Variants in HPD observed in about 807,000 individuals in gnomAD.
The protein encoded by HPD is 4-hydroxyphenylpyruvate dioxygenase.
Under a neutral mutation model 56.9 loss-of-function variants are expected in HPD, and 35 were observed. The observed-to-expected ratio is 0.62, with a 90% CI of 0.47 to 0.82. The LOEUF is 0.82. Among genes scored for constraint, HPD ranks in the 40% least tolerant of loss-of-function variants. HPD has a pLI of 0.00. For missense variants in HPD, 442 were observed against 506.8 expected (o/e 0.87, Z 1.23); for synonymous variants, 186 against 200.2 (o/e 0.93, Z 0.60).
chr12:121,866,928 C>G (rs1182827821), upstream of HPD, among the ~76,000 whole-genome samples: 1 of 152,098 alleles, frequency 6.6e-6, no homozygotes, highest in Non-Finnish European at 1.5e-5. Flanking sequence ...TGTCCTCAAT[C>G]CACCCTCATC....
At chr12:121,841,418 T>C (rs1419017094) in intron 12 of HPD, among the ~76,000 whole-genome samples, 1 of 152,160 alleles carries the variant, frequency 6.6e-6, no homozygotes, top group Non-Finnish European at 1.5e-5. Flanking sequence ...TAGCTACTCC[T>C]AGATATATTC....
Position 121,843,810 on chromosome 12 carries a change from C to A in HPD, c.854G>T (p.Gly285Val). 6.2e-7 allele frequency: 1 copy of A among 1,613,768 alleles called. No homozygotes were observed. The highest frequency in any genetic ancestry group is 8.5e-7 in the Non-Finnish European group (1 of 1,179,838). The change falls in exon 12 of 14, where the codon GGC (glycine) becomes GTC (valine). Residue 285 changes from glycine to valine, a missense_variant. Physicochemically the swap from Gly to Val is moderately radical, Grantham distance 109. Coordinates refer to ENST00000289004, the MANE Select transcript of HPD (RefSeq NM_002150.3). ...ITAIRHLRER[G>V]LEFLSVPSTY... is the part of the protein sequence containing the mutation. ...GGAGGGAACAGATAAGAACTCCAGG[C>A]CTCTCTCTCTCAAGTGGCGAATCTG...
At chr12:121,867,724 G>T (rs1038675110), upstream of HPD, among the ~76,000 whole-genome samples, 1 of 152,026 alleles carries the variant, frequency 6.6e-6, no homozygotes, top group Admixed American at 6.6e-5. Flanking sequence ...ATGTTGGCTC[G>T]GCTGGTCTCT....
At chr12:121,875,436 T>G in the HPD span, among the ~76,000 whole-genome samples, 1 of 150,812 alleles carries the variant, frequency 6.6e-6, no homozygotes, top group Non-Finnish European at 1.5e-5. Context: ...TCTTTTTTTT[T>G]TTTTTTTGAG....
upstream of HPD, among the ~76,000 whole-genome samples, chr12:121,868,115 G>A (rs891505021): frequency 1.3e-5 from 2 of 152,154 alleles, no homozygotes; most frequent in African/African-American, 4.8e-5. Context: ...CTTGAGCCCA[G>A]GAGGTCAAGG....
At chr12:121,883,152 T>C in the HPD span, among the ~76,000 whole-genome samples, 1 of 146,838 alleles carries the variant, frequency 6.8e-6, no homozygotes, top group African/African-American at 2.5e-5. Flanking sequence ...CAGAAACTGT[T>C]AGAAGTTCAG....
chr12:121,859,110 G>A (rs1878109442), upstream of HPD: 1 of 514,498 alleles, frequency 1.9e-6, no homozygotes, highest in African/African-American at 1.9e-5. Context: ...CAGGACGCTG[G>A]GAATGTGACC....
At chr12:121,856,127 G>A (rs1248125640) in intron 6 of HPD, 197 bp downstream of exon 6, 1 of 660,926 alleles carries the variant, frequency 1.5e-6, no homozygotes, top group Non-Finnish European at 2.8e-6. Flanking sequence ...CCAGGTGTGT[G>A]TCACACCAGC....
rs531034878 is a variant in HPD, at chr12:121,855,007, A to G, written c.325-215T>C. ...GAGGCCCAGGCCCAGAGTTGGGGCT[A>G]TGGGAGACAAACTAGGTAGGGATGG... On this transcript the variant is annotated intron_variant, in intron 6 of 13. Transcript: ENST00000289004. Among the ~76,000 whole-genome samples the G allele has an allele frequency of 5.9e-5, 9 of 152,276 alleles. No individual in the cohort carries two copies. The East Asian group carries it at 1.7e-3, about 29-fold the overall frequency.
intron 7 of HPD, among the ~76,000 whole-genome samples, chr12:121,853,556 C>T (rs1306910123): frequency 3.3e-5 from 5 of 149,256 alleles, no homozygotes; most frequent in South Asian, 2.1e-4. Flanking sequence ...CGGAAGGCAG[C>T]GCTTGCAGTG....
At chr12:121,881,443 T>C in the HPD span, among the ~76,000 whole-genome samples, 3 of 152,090 alleles carry the variant, frequency 2.0e-5, no homozygotes, top group Non-Finnish European at 2.9e-5. Flanking sequence ...CTGCCAGACG[T>C]TGTTTTAGCA....
chr12:121,887,905 C>G, the HPD span, among the ~76,000 whole-genome samples: 4 of 152,110 alleles, frequency 2.6e-5, no homozygotes, highest in African/African-American at 9.7e-5. Context: ...GACCGCTGAG[C>G]CCTTTTCAAG....
intron 9 of HPD, among the ~76,000 whole-genome samples, chr12:121,847,640 C>T (rs1367701797): frequency 3.3e-5 from 5 of 152,168 alleles, no homozygotes; most frequent in Admixed American, 1.3e-4. Context: ...TGGGTCCAGG[C>T]GATTCTCCTG....
At chr12:121,842,585 A>G (rs937182408) in intron 12 of HPD, among the ~76,000 whole-genome samples, 1 of 149,550 alleles carries the variant, frequency 6.7e-6, no homozygotes, top group Non-Finnish European at 1.5e-5. Flanking sequence ...ATCACCACGC[A>G]CAGCTAATTT....
chr12:121,865,254 C>T (rs1878293296), upstream of HPD, among the ~76,000 whole-genome samples: 3 of 120,742 alleles, frequency 2.5e-5, no homozygotes, highest in South Asian at 8.6e-4. Flanking sequence ...GGCGACACAG[C>T]GACACTCTCT....
intron 2 of HPD, among the ~76,000 whole-genome samples, 156 bp downstream of exon 2, chr12:121,858,531 G>A (rs75899107): frequency 3.1e-3 from 470 of 152,142 alleles, no homozygotes; most frequent in African/African-American, 0.011. Context: ...GCTCAGTCTC[G>A]GGGAGCCCCG....
At chr12:121,880,046 C>T in the HPD span, among the ~76,000 whole-genome samples, 2 of 151,094 alleles carry the variant, frequency 1.3e-5, no homozygotes, top group East Asian at 3.9e-4. Flanking sequence ...ATTGGGGAGG[C>T]TGAGGTGGGG....
At chr12:121,848,069 G>C (rs1877645466) in intron 9 of HPD, among the ~76,000 whole-genome samples, 1 of 152,152 alleles carries the variant, frequency 6.6e-6, no homozygotes, top group Non-Finnish European at 1.5e-5. Flanking sequence ...AGTGCTTTGA[G>C]AAAAAGGCCC....
chr12:121,883,682 CTTT>C, the HPD span, among the ~76,000 whole-genome samples: 3 of 138,730 alleles, frequency 2.2e-5, no homozygotes, highest in Non-Finnish European at 1.5e-5. Flanking sequence ...TTCCTTCTTT[CTTT>C]TTTTTTTTTT....
Sources: allele counts gnomAD v4.1 joint callset (sites outside exome capture counted in the v4.1 genomes callset), GRCh38; gene constraint gnomAD v4.1.1; transcripts MANE v1.5; gene names NCBI Gene and HGNC (gene_info 2026-07-23, HGNC 2026-07-21).